Variants in PLCB1 observed in about 807,000 individuals in gnomAD.
The protein encoded by PLCB1 is phospholipase C beta 1, also known as 1-phosphatidylinositol 4,5-bisphosphate phosphodiesterase beta-1.
PLCB1 carries 46 observed loss-of-function variants against 161.8 expected under a neutral mutation model. The observed-to-expected ratio is 0.28, with a 90% CI of 0.22 to 0.36. The LOEUF (loss-of-function observed/expected upper bound fraction) is 0.36, where lower values mean the gene tolerates loss of function less well. Ranked by LOEUF, PLCB1 falls within the 10% of genes least tolerant of loss-of-function variation. The probability of loss-of-function intolerance (pLI) is 1.00; values close to 1 mark genes in which losing one functional copy is unlikely to be tolerated. For missense variants in PLCB1, 1,016 were observed against 1,472.5 expected (o/e 0.69, Z 5.07); for synonymous variants, 517 against 503.7 (o/e 1.03, Z -0.35).
chr20:8,393,552 A>G (rs1220741960), intron 3 of PLCB1, among the ~76,000 whole-genome samples: 2 of 152,096 alleles, frequency 1.3e-5, no homozygotes, highest in African/African-American at 4.8e-5. Flanking sequence ...TACTCAGTAT[A>G]GGCTGAGGCG....
intron 31 of PLCB1, among the ~76,000 whole-genome samples, chr20:8,817,371 A>G (rs1407290233): frequency 1.3e-5 from 2 of 152,080 alleles, no homozygotes; most frequent in African/African-American, 2.4e-5. Context: ...AACTTGGTGT[A>G]GAATAGAGGA....
chr20:8,571,769 C>G (rs1986526595), intron 3 of PLCB1, among the ~76,000 whole-genome samples: 1 of 151,988 alleles, frequency 6.6e-6, no homozygotes, highest in South Asian at 2.1e-4. Context: ...ATGAGGAAAA[C>G]GAGGGAAGAT....
chr20:8,399,346 C>T (rs1206241884), intron 3 of PLCB1, among the ~76,000 whole-genome samples: 1 of 152,008 alleles, frequency 6.6e-6, no homozygotes. Context: ...ATTTAAAAGT[C>T]TATCTTTTGT....
chr20:8,523,396 ATATGTGTGTGTGTG>A (rs1984427295), intron 3 of PLCB1, among the ~76,000 whole-genome samples: 1 of 61,232 alleles, frequency 1.6e-5, no homozygotes, highest in East Asian at 7.4e-4. Context: ...ATCATAACAA[ATATGTGTGTGTGTG>A]TGTGTGTGTG....
intron 31 of PLCB1, among the ~76,000 whole-genome samples, chr20:8,797,797 A>G (rs1280693130): frequency 6.6e-6 from 1 of 152,240 alleles, no homozygotes; most frequent in Non-Finnish European, 1.5e-5. Context: ...GCAAAAGCCT[A>G]TCAGGGCAAA....
At chr20:8,395,467 T>G (rs1987742786) in intron 3 of PLCB1, among the ~76,000 whole-genome samples, 3 of 152,020 alleles carry the variant, frequency 2.0e-5, no homozygotes, top group African/African-American at 7.2e-5. Flanking sequence ...AATGGCTGAA[T>G]AAGGAAAATT....
At chr20:8,421,179 C>G (rs1299867959) in intron 3 of PLCB1, among the ~76,000 whole-genome samples, 3 of 152,162 alleles carry the variant, frequency 2.0e-5, no homozygotes, top group African/African-American at 7.2e-5. Context: ...AATGAATTTG[C>G]TTACACAGTT....
chr20:8,639,097 T>A (rs1354378942), intron 4 of PLCB1, among the ~76,000 whole-genome samples: 1 of 152,090 alleles, frequency 6.6e-6, no homozygotes, highest in Non-Finnish European at 1.5e-5. Flanking sequence ...GAAAGGCAGA[T>A]TTATTAGAGA....
intron 2 of PLCB1, among the ~76,000 whole-genome samples, chr20:8,261,197 C>A (rs1981675056): frequency 6.6e-6 from 1 of 152,146 alleles, no homozygotes; most frequent in Non-Finnish European, 1.5e-5. Context: ...CTGTCTCAGG[C>A]TCTACATTTA....
At chr20:8,479,996 A>T (rs1056966816) in intron 3 of PLCB1, among the ~76,000 whole-genome samples, 5 of 152,182 alleles carry the variant, frequency 3.3e-5, no homozygotes, top group African/African-American at 1.2e-4. Context: ...CTATCTAGGT[A>T]TCGGTTTCTA....
At chr20:8,549,230 G>T (rs554602211) in intron 3 of PLCB1, among the ~76,000 whole-genome samples, 151 of 152,184 alleles carry the variant, frequency 9.9e-4, no homozygotes, top group Non-Finnish European at 1.3e-3. Context: ...GCTTTGTCAG[G>T]TACTGTTACA....
chr20:8,553,011 T>G (rs530012614), intron 3 of PLCB1, among the ~76,000 whole-genome samples: 2 of 152,182 alleles, frequency 1.3e-5, no homozygotes, highest in Admixed American at 1.3e-4. Context: ...ATCTTTGATA[T>G]ATTTGATGAT....
chr20:8,853,624 A>G (rs3926282), intron 31 of PLCB1, among the ~76,000 whole-genome samples: 49,346 of 151,714 alleles, frequency 0.33, 8,804 homozygotes, highest in East Asian at 0.63. Flanking sequence ...GCTTTTGCCT[A>G]TTACATGTGG....
At chr20:8,150,082 T>C (rs959974248) in intron 1 of PLCB1, among the ~76,000 whole-genome samples, 6 of 152,134 alleles carry the variant, frequency 3.9e-5, no homozygotes, top group African/African-American at 1.4e-4. Flanking sequence ...TTACAAGTTA[T>C]GTATAAGTCT....
At chr20:8,251,158 C>T (rs866974727) in intron 2 of PLCB1, among the ~76,000 whole-genome samples, 1 of 151,904 alleles carries the variant, frequency 6.6e-6, no homozygotes, top group Non-Finnish European at 1.5e-5. Flanking sequence ...CAGGCTCCCT[C>T]AAGTCTGTTT....
intron 25 of PLCB1, 77 bp downstream of exon 25, chr20:8,760,537 T>G (rs541613905): frequency 8.4e-5 from 81 of 963,234 alleles, no homozygotes; most frequent in Middle Eastern, 2.2e-4. Flanking sequence ...GAGAGGAAAT[T>G]TCCATTCATA....
chr20:8,813,923 G>A (rs553440576), intron 31 of PLCB1, among the ~76,000 whole-genome samples: 1 of 152,264 alleles, frequency 6.6e-6, no homozygotes, highest in East Asian at 1.9e-4. Flanking sequence ...GATTTTTCCT[G>A]TAGCGGAATT....
chr20:8,190,498 G>A (rs143252702), intron 2 of PLCB1, among the ~76,000 whole-genome samples: 2 of 152,202 alleles, frequency 1.3e-5, no homozygotes, highest in Non-Finnish European at 2.9e-5. Context: ...ATACCCACAT[G>A]TAGCTCTGTG....
chr20:8,179,789 C>A (rs1225358797), intron 2 of PLCB1, among the ~76,000 whole-genome samples: 1 of 145,014 alleles, frequency 6.9e-6, no homozygotes, highest in Non-Finnish European at 1.5e-5. Context: ...GTGGGTTTTT[C>A]ATAGATGGCT....
Sources: gnomAD v4.1 joint callset for allele counts (sites outside exome capture counted in the v4.1 genomes callset) on GRCh38, gnomAD v4.1.1 for gene constraint, MANE v1.5 for transcripts, NCBI Gene and HGNC (gene_info 2026-07-23, HGNC 2026-07-21) for gene names.